Variants in GALC observed in about 807,000 individuals in gnomAD.
GALC encodes galactosylceramidase.
In GALC, 77 loss-of-function variants were observed where a neutral mutation model predicts 91.8. That is an observed-to-expected ratio of 0.84 (90% CI 0.70 to 1.01). The LOEUF (loss-of-function observed/expected upper bound fraction) is 1.01. GALC is among the 50% of genes least tolerant of loss of function. The probability of loss-of-function intolerance (pLI) is 0.00; values close to 1 mark genes in which losing one functional copy is unlikely to be tolerated. For missense variants in GALC, 882 were observed against 855.9 expected (o/e 1.03, Z -0.38); for synonymous variants, 357 against 306.7 (o/e 1.16, Z -1.71).
At chr14:87,964,968 C>T (rs1397958879) in intron 9 of GALC, among the ~76,000 whole-genome samples, 1 of 152,052 alleles carries the variant, frequency 6.6e-6, no homozygotes, top group Non-Finnish European at 1.5e-5. Context: ...TTTACCTTTT[C>T]ACAACCCACA....
At chr14:87,970,976 G>C (rs1886270914) in intron 7 of GALC, among the ~76,000 whole-genome samples, 1 of 150,536 alleles carries the variant, frequency 6.6e-6, no homozygotes, top group African/African-American at 2.5e-5. Flanking sequence ...TTCAATAACA[G>C]ACAAAATTAA....
chr14:87,971,991 C>A (rs1886310568), intron 7 of GALC, among the ~76,000 whole-genome samples: 1 of 152,092 alleles, frequency 6.6e-6, no homozygotes, highest in African/African-American at 2.4e-5. Flanking sequence ...AGTACTGTAA[C>A]TGTAAAACAA....
At chr14:87,939,682 A>T (rs565343788) in intron 16 of GALC, among the ~76,000 whole-genome samples, 49 of 151,934 alleles carry the variant, frequency 3.2e-4, no homozygotes, top group South Asian at 1.0e-3. Flanking sequence ...AAAATTTTTT[A>T]AAAAAATAGT....
chr14:87,945,048 G>T (rs1885008809), intron 14 of GALC, among the ~76,000 whole-genome samples: 1 of 151,938 alleles, frequency 6.6e-6, no homozygotes, highest in Non-Finnish European at 1.5e-5. Flanking sequence ...CTCTTTACCA[G>T]ATGACTAAAT....
intron 10 of GALC, chr14:87,953,532 T>C: frequency 6.2e-7 from 1 of 1,608,990 alleles, no homozygotes; most frequent in Non-Finnish European, 8.5e-7. Flanking sequence ...GTTCTGAAGA[T>C]GAACTGCCAC....
At chr14:87,950,596 C>G in intron 11 of GALC, 63 bp downstream of exon 11, 1 of 1,012,176 alleles carries the variant, frequency 9.9e-7, no homozygotes, top group East Asian at 2.6e-5. Flanking sequence ...GAACTACTGG[C>G]CTGTGACAGA....
chr14:87,992,519 A>G, intron 1 of GALC: 1 of 1,529,370 alleles, frequency 6.5e-7, no homozygotes, highest in Non-Finnish European at 8.7e-7. Context: ...ACTCCTCCAA[A>G]AGGGAGAGAC....
intron 11 of GALC, 104 bp downstream of exon 11, chr14:87,950,555 T>C (rs1441571145): frequency 1.3e-6 from 1 of 753,288 alleles, no homozygotes; most frequent in Non-Finnish European, 2.3e-6. Flanking sequence ...ATGCAAACTG[T>C]TAAAAGTTCA....
chr14:87,948,710 AC>A (rs1885179570), intron 12 of GALC, among the ~76,000 whole-genome samples: 5 of 152,038 alleles, frequency 3.3e-5, no homozygotes. Context: ...TTGAAGAATA[AC>A]CCCAAATGAC....
At position 87,984,420 on chromosome 14, in the gene GALC, G is replaced by T; in HGVS notation, c.556C>A (p.His186Asn). Reference sequence around the variant, plus strand: ...CCAATATAATCAATGTCCAAATCATGGTAACGCTTGGCGCCCACAATCCAG... The same window carrying T: ...CCAATATAATCAATGTCCAAATCATTGTAACGCTTGGCGCCCACAATCCAG... Reference protein sequence around the residue: ...VTWIVGAKRYHDLDIDYIGIW... With the variant: ...VTWIVGAKRYNDLDIDYIGIW... The change falls in exon 5 of 17, where the codon CAT (histidine) becomes AAT (asparagine). Residue 186 changes from histidine (H) to asparagine (N), a missense_variant. His to Asn is a moderately conservative substitution (Grantham distance 68, BLOSUM62 1). Coordinates refer to ENST00000261304, the MANE Select transcript of GALC (RefSeq NM_000153.4). The T allele has an allele frequency of 6.2e-7, 1 of 1,613,850 alleles. No homozygotes were observed. The highest frequency in any genetic ancestry group is 8.5e-7 in the Non-Finnish European group (1 of 1,179,806).
intron 14 of GALC, among the ~76,000 whole-genome samples, chr14:87,945,169 G>A (rs1032567939): frequency 2.0e-5 from 3 of 151,712 alleles, no homozygotes; most frequent in African/African-American, 7.3e-5. Context: ...TCTAAGATTG[G>A]TCCACTAGAT....
chr14:87,968,528 C>T (rs528996729), intron 7 of GALC, 38 bp from the exon 8 acceptor site: 1 of 1,584,856 alleles, frequency 6.3e-7, no homozygotes, highest in East Asian at 2.2e-5. Context: ...GAAAAAAGGT[C>T]ACGACGTGGC....
intron 10 of GALC, chr14:87,954,283 T>A: frequency 6.5e-7 from 1 of 1,549,762 alleles, no homozygotes. Context: ...GTCCACACAA[T>A]ACTAAGAGTT....
chr14:87,945,433 A>G, intron 14 of GALC, 120 bp downstream of exon 14: 1 of 801,724 alleles, frequency 1.2e-6, no homozygotes. Context: ...AATATTACAT[A>G]TTACACATCT....
chr14:87,959,227 A>G (rs367633578), intron 10 of GALC, among the ~76,000 whole-genome samples: 8 of 152,216 alleles, frequency 5.3e-5, no homozygotes, highest in East Asian at 1.9e-4. Context: ...AAAATACTCA[A>G]CATCACTAAT....
chr14:87,991,616 C>T (rs759005725), intron 1 of GALC, among the ~76,000 whole-genome samples: 1 of 152,208 alleles, frequency 6.6e-6, no homozygotes, highest in Non-Finnish European at 1.5e-5. Context: ...AAGGACTCCA[C>T]AAAGAAGTTT....
At chr14:87,972,377 G>C (rs544136320) in intron 7 of GALC, among the ~76,000 whole-genome samples, 1 of 152,226 alleles carries the variant, frequency 6.6e-6, no homozygotes, top group South Asian at 2.1e-4. Context: ...AAGGCAAAAA[G>C]AGAGCTTAAT....
intron 12 of GALC, among the ~76,000 whole-genome samples, chr14:87,948,459 T>C (rs1885165396): frequency 6.6e-6 from 1 of 152,050 alleles, no homozygotes; most frequent in Non-Finnish European, 1.5e-5. Context: ...ACATACCTTA[T>C]AGACTGCTGT....
chr14:87,943,664 G>A (rs756241327), intron 14 of GALC, among the ~76,000 whole-genome samples: 4 of 151,952 alleles, frequency 2.6e-5, no homozygotes, highest in African/African-American at 4.8e-5. Flanking sequence ...AGGTGGGGAC[G>A]ATGATATCTC....
Sources: gnomAD v4.1 joint callset for allele counts (sites outside exome capture counted in the v4.1 genomes callset) on GRCh38, gnomAD v4.1.1 for gene constraint, MANE v1.5 for transcripts, NCBI Gene and HGNC (gene_info 2026-07-23, HGNC 2026-07-21) for gene names.